Variants in FGF14 observed in about 807,000 individuals in gnomAD.
FGF14 encodes fibroblast growth factor 14.
Under a neutral mutation model 25.5 loss-of-function variants are expected in FGF14, and 5 were observed. The ratio of observed to expected loss-of-function variants is 0.20; its 90% CI spans 0.10 to 0.41. The LOEUF (loss-of-function observed/expected upper bound fraction) is 0.41, where lower values mean the gene tolerates loss of function less well. Among genes scored for constraint, FGF14 ranks in the 10% least tolerant of loss-of-function variants. The pLI is 1.00. For synonymous variants in FGF14, 138 were observed against 118.3 expected, an observed-to-expected ratio of 1.17 and a Z score of -1.08; for missense variants, 222 against 320.1, an observed-to-expected ratio of 0.69 and a Z score of 2.34.
At chr13:101,848,600 G>A (rs1311165420) in intron 3 of FGF14, among the ~76,000 whole-genome samples, 3 of 151,902 alleles carry the variant, frequency 2.0e-5, no homozygotes, top group Admixed American at 6.6e-5. Context: ...TCCAGCCACC[G>A]GATAACAGAA....
At position 101,716,579 on chromosome 13, in the gene FGF14, TTTTTA is replaced by T. The variant is rs2034731173; in HGVS notation, c.*6247_*6251del. 6.6e-6 allele frequency: 1 copy of T among 152,132 alleles called. No homozygotes were observed. Among genetic ancestry groups the T allele is most frequent in the Non-Finnish European group, 1.5e-5 (1 of 68,014 alleles). 9.4% of individuals were successfully genotyped at this position (152,132 alleles called of 1,614,324 possible). A position where few individuals can be genotyped will look rare whatever the true frequency, so the allele number is the denominator to read the frequency against. On this transcript the variant is annotated 3_prime_UTR_variant, in exon 5 of 5. Coordinates refer to ENST00000376143, the MANE Select transcript of FGF14 (RefSeq NM_004115.4). ...GGGTTATGCGTACAAGAAATCTGAT[TTTTTA>T]TTTTAATTTATTCCATGGTAGTGTG...
At chr13:101,816,379 C>G (rs2041852244) in intron 3 of FGF14, among the ~76,000 whole-genome samples, 1 of 151,942 alleles carries the variant, frequency 6.6e-6, no homozygotes, top group South Asian at 2.1e-4. Flanking sequence ...GCTCTCCCTC[C>G]CCCGCCAACA....
rs1555326455 is a variant in FGF14, at chr13:101,951,400, A to AT, written c.209-76105dup. Among the ~76,000 whole-genome samples the AT allele has an allele frequency of 7.2e-5, 11 of 151,824 alleles. No homozygotes were observed. The East Asian group carries it at 1.2e-3, about 16-fold the overall frequency. On this transcript the variant is annotated intron_variant, in intron 1 of 4. Transcript: ENST00000376131. The stretch of plus-strand genomic sequence containing the variant: ...GGAAGAGAAATAATTTAATCCCTTT[A>AT]TTTTTTTTCAGTTTTCTAGAACCAA...
intron 1 of FGF14, among the ~76,000 whole-genome samples, chr13:102,241,386 A>C (rs1455881340): frequency 6.6e-6 from 1 of 152,184 alleles, no homozygotes; most frequent in East Asian, 1.9e-4. Flanking sequence ...TCACATTCCC[A>C]AGTCGTTCTG....
At position 101,771,440 on chromosome 13, in the gene FGF14, C is replaced by T. The variant is rs2038763605; in HGVS notation, c.409-44630G>A. On this transcript the variant is annotated intron_variant, in intron 3 of 4. Coordinates refer to ENST00000376143, the MANE Select transcript of FGF14 (RefSeq NM_004115.4). Reference sequence around the variant, plus strand: ...GCTAGGCTAAAAATCAGGATTAAAGCATTAGTAGATTATTATCACTCATGT... The same window carrying T: ...GCTAGGCTAAAAATCAGGATTAAAGTATTAGTAGATTATTATCACTCATGT... Among the ~76,000 whole-genome samples the T allele has an allele frequency of 2.0e-5, 3 of 151,984 alleles. No individual in the cohort carries two copies. In the South Asian group the frequency reaches 6.2e-4, roughly 31 times the overall value.
rs9557801 is a variant in FGF14, at chr13:102,095,644, C to G, written c.209-220348G>C. Among the ~76,000 whole-genome samples, 8 of 152,250 alleles carry G rather than the reference C, an allele frequency of 5.3e-5. No individual in the cohort carries two copies. In the South Asian group the frequency reaches 1.4e-3, roughly 28 times the overall value. ...ACCAGCCCCTCCTCATTCTCCTCCC[C>G]CTTAGCCTACTCAATGTGAAGACAC... is the stretch of plus-strand genomic sequence containing the variant. On this transcript the variant is annotated intron_variant, in intron 1 of 4. Coordinates refer to the FGF14 transcript ENST00000376131.
chr13:101,983,834 C>T (rs1375684346), intron 1 of FGF14, among the ~76,000 whole-genome samples: 1 of 152,142 alleles, frequency 6.6e-6, no homozygotes, highest in African/African-American at 2.4e-5. Flanking sequence ...ATCCTGCCAA[C>T]GTCTACCTGG....
chr13:102,160,435 T>C (rs1257534991), intron 1 of FGF14, among the ~76,000 whole-genome samples: 1 of 152,224 alleles, frequency 6.6e-6, no homozygotes, highest in Admixed American at 6.5e-5. Context: ...CGTCCACTAC[T>C]GTGTCTTCTC....
intron 3 of FGF14, among the ~76,000 whole-genome samples, chr13:101,746,832 A>G (rs1319210407): frequency 6.6e-6 from 1 of 152,110 alleles, no homozygotes; most frequent in African/African-American, 2.4e-5. Context: ...TAAAATTATC[A>G]TAACGCATTC....
intron 1 of FGF14, among the ~76,000 whole-genome samples, chr13:102,174,134 T>C (rs571913565): frequency 2.9e-4 from 34 of 117,130 alleles, no homozygotes; most frequent in African/African-American, 1.2e-3. Flanking sequence ...GATCAGCATT[T>C]CTTTTTTTTT....
At position 102,217,937 on chromosome 13, in the gene FGF14, G is replaced by A. The variant is rs2050444792; in HGVS notation, c.208+183534C>T. 2.6e-5 allele frequency among the ~76,000 whole-genome samples: 4 copies of A among 152,084 alleles called. No individual in the cohort carries two copies. The South Asian group carries it at 8.3e-4, about 32-fold the overall frequency. ...ACTCCATCATGGCTGTGCAGATCAA[G>A]CCCATATTGCACAGTAAAAAAAATA... On this transcript the variant is annotated intron_variant, in intron 1 of 4. Transcript: ENST00000376131.
chr13:101,845,639 G>A (rs1262013696), intron 3 of FGF14, among the ~76,000 whole-genome samples: 2 of 152,028 alleles, frequency 1.3e-5, no homozygotes, highest in African/African-American at 4.8e-5. Context: ...TAAAAGGGTA[G>A]TCAGGAGATA....
At chr13:102,193,657 C>A (rs1313815681) in intron 1 of FGF14, among the ~76,000 whole-genome samples, 1 of 152,160 alleles carries the variant, frequency 6.6e-6, no homozygotes, top group African/African-American at 2.4e-5. Context: ...CATGTCTAGT[C>A]ATTAGCTGAC....
rs533967581 is a variant in FGF14 at position 101,797,735 on chromosome 13, A to ATATG, written c.409-70926_409-70925insCATA. On this transcript the variant is annotated intron_variant, in intron 3 of 4. Transcript: ENST00000376143. ...TAACTAAAGAGAATGTCATGAATTG[A>ATATG]TGTGTGTGTGTGTGTGTGTGTGTGT... Among the ~76,000 whole-genome samples the ATATG allele has an allele frequency of 1.7e-3, 59 of 33,900 alleles. 1 individual carries two copies. Among genetic ancestry groups the ATATG allele is most frequent in the South Asian group, 0.016 (7 of 426 alleles). 22.2% of individuals were successfully genotyped at this position (33,900 alleles called of 152,430 possible). A position where few individuals can be genotyped will look rare whatever the true frequency, so the allele number is the denominator to read the frequency against.
rs1427267181 is a variant in FGF14 at position 101,867,678 on chromosome 13, G to A, written c.408+1047C>T. On this transcript the variant is annotated intron_variant, in intron 3 of 4. Transcript: ENST00000376143. ...AACATGCTGCATATTCGTCTTGTGC[G>A]AGAGAACACAATTTGCATAATGTGG... Among the ~76,000 whole-genome samples, 5 of 152,126 alleles carry A rather than the reference G, an allele frequency of 3.3e-5. No individual in the cohort carries two copies. The South Asian group carries it at 6.2e-4, about 19-fold the overall frequency.
At chr13:101,967,494 G>A (rs1233228806) in intron 1 of FGF14, 1 of 152,182 alleles carries the variant, frequency 6.6e-6, no homozygotes, top group Non-Finnish European at 1.5e-5. Context: ...TGCTGTGTGG[G>A]AGGAACCTCT....
chr13:102,341,672 G>C (rs537477975), intron 1 of FGF14, among the ~76,000 whole-genome samples: 12 of 152,212 alleles, frequency 7.9e-5, no homozygotes, highest in African/African-American at 2.9e-4. Context: ...TTCAAGAACT[G>C]TTTATGTCCT....
intron 4 of FGF14, 75 bp downstream of exon 4, chr13:101,726,537 C>A: frequency 7.2e-7 from 1 of 1,388,064 alleles, no homozygotes. Context: ...TTCTTAGAGC[C>A]ATGGTAGACC....
chr13:102,321,117 C>T (rs1003982321), intron 1 of FGF14, among the ~76,000 whole-genome samples: 25 of 152,264 alleles, frequency 1.6e-4, no homozygotes, highest in African/African-American at 6.0e-4. Flanking sequence ...GGAGGCCAGA[C>T]CACAGTGTCT....
Sources: gnomAD v4.1 joint callset for allele counts (sites outside exome capture counted in the v4.1 genomes callset) on GRCh38, gnomAD v4.1.1 for gene constraint, MANE v1.5 for transcripts, NCBI Gene and HGNC (gene_info 2026-07-23, HGNC 2026-07-21) for gene names.